The following TYW1B variants were observed in gnomAD, a reference collection of about 807,000 sequenced individuals.
TYW1B encodes tRNA-yW synthesizing protein 1 homolog B.
TYW1B carries 73 observed loss-of-function variants against 86.9 expected under a neutral mutation model. The observed-to-expected ratio is 0.84, with a 90% CI of 0.70 to 1.02. The LOEUF (loss-of-function observed/expected upper bound fraction) is 1.02, where lower values mean the gene tolerates loss of function less well. Ranked by LOEUF, TYW1B falls within the 50% of genes least tolerant of loss-of-function variation. TYW1B has a pLI of 0.00. For missense variants in TYW1B, 637 were observed against 827.4 expected, an observed-to-expected ratio of 0.77 and a Z score of 2.82; for synonymous variants, 248 against 292.8, an observed-to-expected ratio of 0.85 and a Z score of 1.56.
chr7:72,606,740 A>G (rs1811810271), intron 13 of TYW1B, among the ~76,000 whole-genome samples: 1 of 151,596 alleles, frequency 6.6e-6, no homozygotes, highest in Non-Finnish European at 1.5e-5. Flanking sequence ...TCTACTTGGC[A>G]GTAACAAGGC....
At chr7:72,744,721 T>A (rs2844105) in intron 7 of TYW1B, 120 bp from the exon 8 acceptor site, 3 of 1,183,322 alleles carry the variant, frequency 2.5e-6, no homozygotes, top group Admixed American at 1.9e-5. Flanking sequence ...CCTACTAGTA[T>A]CTGCATGACG....
intron 13 of TYW1B, among the ~76,000 whole-genome samples, chr7:72,608,841 T>C (rs189980279): frequency 2.2e-4 from 33 of 152,328 alleles, no homozygotes; most frequent in Non-Finnish European, 3.4e-4. Context: ...ATAGTTGGTA[T>C]CGGACTACAA....
intron 9 of TYW1B, chr7:72,723,225 C>A: frequency 2.8e-6 from 1 of 358,422 alleles, no homozygotes; most frequent in South Asian, 1.3e-4. Context: ...TCCCCTGGTC[C>A]CCTGTCCCTG....
intron 6 of TYW1B, among the ~76,000 whole-genome samples, chr7:72,781,575 T>C (rs7785103): frequency 0.69 from 104,327 of 151,956 alleles, 36,749 homozygotes; most frequent in Non-Finnish European, 0.77. Context: ...GGCTTCTATA[T>C]ACATCCAGCA....
chr7:72,740,784 G>A (rs1400594453), intron 8 of TYW1B, among the ~76,000 whole-genome samples: 4 of 146,778 alleles, frequency 2.7e-5, no homozygotes, highest in Non-Finnish European at 5.9e-5. Flanking sequence ...AGGCTGGAGT[G>A]CAGTGGCGTG....
chr7:72,613,809 A>G (rs1399950866), intron 13 of TYW1B, among the ~76,000 whole-genome samples: 3 of 152,116 alleles, frequency 2.0e-5, no homozygotes, highest in Non-Finnish European at 4.4e-5. Flanking sequence ...TGATCTGACA[A>G]AATTTGAATA....
chr7:72,635,621 T>C (rs1356853744), intron 11 of TYW1B, among the ~76,000 whole-genome samples: 2 of 152,214 alleles, frequency 1.3e-5, no homozygotes, highest in African/African-American at 4.8e-5. Flanking sequence ...TGAAAGAGTA[T>C]GGTGGCCATT....
intron 13 of TYW1B, among the ~76,000 whole-genome samples, chr7:72,580,430 A>T (rs1232323308): frequency 6.6e-6 from 1 of 152,226 alleles, no homozygotes; most frequent in African/African-American, 2.4e-5. Flanking sequence ...TCCAACAGTA[A>T]GGGAAGAACG....
intron 4 of TYW1B, among the ~76,000 whole-genome samples, chr7:72,809,942 G>A (rs1190539895): frequency 2.7e-5 from 4 of 149,140 alleles, no homozygotes; most frequent in Admixed American, 1.4e-4. Flanking sequence ...GGAGGTTGCA[G>A]TCAGCTGAGA....
chr7:72,602,220 C>T (rs1353896022), intron 13 of TYW1B, among the ~76,000 whole-genome samples: 1 of 152,120 alleles, frequency 6.6e-6, no homozygotes, highest in African/African-American at 2.4e-5. Context: ...GCAAAAGGAA[C>T]TGCACATAGC....
chr7:72,712,569 C>T (rs1199079446), intron 10 of TYW1B, among the ~76,000 whole-genome samples: 2 of 152,210 alleles, frequency 1.3e-5, no homozygotes, highest in African/African-American at 4.8e-5. Flanking sequence ...CTCAGGTGAT[C>T]CACCGGCCTC....
intron 6 of TYW1B, among the ~76,000 whole-genome samples, chr7:72,788,829 G>A (rs548316915): frequency 7.9e-5 from 12 of 151,468 alleles, no homozygotes; most frequent in East Asian, 5.9e-4. Flanking sequence ...CATCATGCCC[G>A]GCCACATGTT....
chr7:72,812,760 A>ATC (rs1279697087), intron 3 of TYW1B, among the ~76,000 whole-genome samples: 1 of 148,260 alleles, frequency 6.7e-6, no homozygotes, highest in East Asian at 2.0e-4. Context: ...CAGTGGCATG[A>ATC]TCTCAGCTCA....
At chr7:72,755,204 G>A in intron 7 of TYW1B, among the ~76,000 whole-genome samples, 1 of 152,166 alleles carries the variant, frequency 6.6e-6, no homozygotes, top group Non-Finnish European at 1.5e-5. Context: ...GATCACTTGA[G>A]TGCAGGAGTT....
intron 7 of TYW1B, among the ~76,000 whole-genome samples, chr7:72,773,466 C>T (rs1215624475): frequency 6.6e-6 from 1 of 152,202 alleles, no homozygotes; most frequent in African/African-American, 2.4e-5. Context: ...TGTCTTGAAA[C>T]CTTCCAGGCC....
chr7:72,648,690 C>T (rs1554442380), intron 11 of TYW1B, among the ~76,000 whole-genome samples: 1 of 152,050 alleles, frequency 6.6e-6, no homozygotes, highest in East Asian at 1.9e-4. Context: ...TTTGAAGAGT[C>T]ATGTACTCTA....
intron 11 of TYW1B, among the ~76,000 whole-genome samples, chr7:72,640,688 T>C (rs553792439): frequency 6.6e-6 from 1 of 152,072 alleles, no homozygotes; most frequent in African/African-American, 2.4e-5. Flanking sequence ...AAGTAACAAT[T>C]GACATAACTA....
At chr7:72,801,721 A>G (rs1420517290) in intron 6 of TYW1B, among the ~76,000 whole-genome samples, 7 of 152,118 alleles carry the variant, frequency 4.6e-5, no homozygotes, top group African/African-American at 1.7e-4. Context: ...TCTCACATTC[A>G]TCTAGTCACT....
intron 10 of TYW1B, among the ~76,000 whole-genome samples, chr7:72,700,594 G>T (rs1814442043): frequency 6.6e-6 from 1 of 152,102 alleles, no homozygotes; most frequent in East Asian, 1.9e-4. Context: ...ATTCTAGTTT[G>T]TGAAGTTCTT....
Sources: allele counts gnomAD v4.1 joint callset (sites outside exome capture counted in the v4.1 genomes callset), GRCh38; gene constraint gnomAD v4.1.1; transcripts MANE v1.5; gene names NCBI Gene and HGNC (gene_info 2026-07-23, HGNC 2026-07-21).